Variants in ATP9B observed in about 807,000 individuals in gnomAD.
The protein encoded by ATP9B is probable phospholipid-transporting ATPase IIB.
Under a neutral mutation model 146.1 loss-of-function variants are expected in ATP9B, and 110 were observed. The ratio of observed to expected loss-of-function variants is 0.75; its 90% CI spans 0.65 to 0.88. The LOEUF is 0.88. Ranked by LOEUF, ATP9B falls within the 40% of genes least tolerant of loss-of-function variation. The pLI is 0.00. For missense variants in ATP9B, 1,499 were observed against 1,496.4 expected (o/e 1.00, Z -0.03); for synonymous variants, 604 against 569.7 (o/e 1.06, Z -0.86).
intron 13 of ATP9B, chr18:79,300,101 G>A (rs1319281593): frequency 2.6e-5 from 4 of 152,504 alleles, no homozygotes; most frequent in Non-Finnish European, 5.9e-5. Context: ...GAATGTTGGA[G>A]CTGAGCTCAG....
chr18:79,235,178 T>A (rs1019744293), intron 11 of ATP9B, among the ~76,000 whole-genome samples: 2 of 152,206 alleles, frequency 1.3e-5, no homozygotes, highest in African/African-American at 4.8e-5. Flanking sequence ...TGCCTGGCCT[T>A]ATTGTATATA....
chr18:79,179,827 A>G (rs1320624567), intron 8 of ATP9B, among the ~76,000 whole-genome samples: 2 of 152,216 alleles, frequency 1.3e-5, no homozygotes, highest in Non-Finnish European at 2.9e-5. Flanking sequence ...GTTGTTTAAA[A>G]AAGTTTTATA....
chr18:79,077,352 A>G (rs1384959360), intron 1 of ATP9B, among the ~76,000 whole-genome samples: 1 of 152,100 alleles, frequency 6.6e-6, no homozygotes, highest in Non-Finnish European at 1.5e-5. Flanking sequence ...CTGGGAAGGG[A>G]AGGTACCATG....
chr18:79,365,263 G>T (rs1194332927), intron 26 of ATP9B, among the ~76,000 whole-genome samples: 1 of 152,176 alleles, frequency 6.6e-6, no homozygotes. Flanking sequence ...AAGATGCTCA[G>T]TGCCATTTTC....
At chr18:79,180,369 C>T (rs2095236692) in intron 8 of ATP9B, among the ~76,000 whole-genome samples, 1 of 151,998 alleles carries the variant, frequency 6.6e-6, no homozygotes, top group African/African-American at 2.4e-5. Flanking sequence ...TACGTTAGTT[C>T]TGTTTTGTGT....
intron 12 of ATP9B, among the ~76,000 whole-genome samples, chr18:79,272,391 G>A (rs2096265126): frequency 6.6e-6 from 1 of 152,136 alleles, no homozygotes; most frequent in South Asian, 2.1e-4. Flanking sequence ...GATGTGCCTG[G>A]TGCACATCTG....
Position 79,284,241 on chromosome 18 carries a change from A to C in ATP9B, c.1411+7045A>C, listed in dbSNP as rs546650408. 1.6e-3 allele frequency among the ~76,000 whole-genome samples: 251 copies of C among 152,342 alleles called. 1 individual carries two copies. The highest frequency in any genetic ancestry group is 2.9e-3 in the Non-Finnish European group (200 of 68,028). ...GTTTTTTAAACCAAGTCTCTTATGC[A>C]TGATGCTAATAACCGGGTATTCAGT... is the stretch of plus-strand genomic sequence containing the variant. On this transcript the variant is annotated intron_variant, in intron 13 of 29. Coordinates refer to ENST00000426216, the MANE Select transcript of ATP9B (RefSeq NM_198531.5).
chr18:79,096,604 G>A lies in ATP9B; in HGVS notation c.248G>A (p.Gly83Glu), dbSNP rs761140106. The change falls in exon 2 of 30, where the codon GGA becomes GAA. Residue 83 changes from glycine to glutamate, a missense_variant. Transcript: ENST00000426216. ...GCCAGGATAATGCAAAGGAAAAGAG[G>A]ACTGGAGTGGTTTGTCTGTGATGGC... ...PRARIMQRKRGLEWFVCDGWK... is the reference protein window; with the variant it reads ...PRARIMQRKRELEWFVCDGWK... The A allele has an allele frequency of 1.2e-6, 2 of 1,613,912 alleles. No individual in the cohort carries two copies. Among genetic ancestry groups the A allele is most frequent in the African/African-American group, 1.3e-5 (1 of 74,920 alleles).
intron 1 of ATP9B, among the ~76,000 whole-genome samples, chr18:79,086,729 A>G (rs1432271047): frequency 1.3e-5 from 2 of 152,152 alleles, no homozygotes; most frequent in African/African-American, 4.8e-5. Context: ...TCTTATTTCA[A>G]GAAATTGGTG....
chr18:79,327,520 C>T lies in ATP9B; in HGVS notation c.1774-1621C>T, dbSNP rs868836347. Among the ~76,000 whole-genome samples, 497 of 101,316 alleles carry T rather than the reference C, an allele frequency of 4.9e-3. 5 individuals carry two copies. The highest frequency in any genetic ancestry group is 0.017 in the African/African-American group (407 of 24,152). The allele number at this position is 101,316 out of a possible 152,430, so 66.5% of individuals were successfully genotyped here. On this transcript the variant is annotated intron_variant, in intron 15 of 29. Transcript: ENST00000426216. Reference sequence around the variant, plus strand: ...GTTAGTGTGCTCTCTCCATGGTTAGCGTGCTCTCCGTGGTTAGCGTGCTCT... The same window carrying T: ...GTTAGTGTGCTCTCTCCATGGTTAGTGTGCTCTCCGTGGTTAGCGTGCTCT...
chr18:79,170,888 T>G (rs1390588398), intron 7 of ATP9B, among the ~76,000 whole-genome samples: 1 of 152,234 alleles, frequency 6.6e-6, no homozygotes, highest in Non-Finnish European at 1.5e-5. Context: ...CACATAGTAC[T>G]TATTGCCTGA....
intron 11 of ATP9B, among the ~76,000 whole-genome samples, chr18:79,242,075 T>G (rs1471325573): frequency 6.6e-6 from 1 of 152,260 alleles, no homozygotes; most frequent in East Asian, 1.9e-4. Flanking sequence ...AGCCAGTTTT[T>G]ATTTTAATGC....
chr18:79,295,896 C>T (rs997997929), intron 13 of ATP9B, among the ~76,000 whole-genome samples: 3 of 152,198 alleles, frequency 2.0e-5, no homozygotes, highest in African/African-American at 7.2e-5. Context: ...TCTCCTGGTG[C>T]CTCATCTTGC....
intron 15 of ATP9B, among the ~76,000 whole-genome samples, chr18:79,315,277 A>C (rs935023773): frequency 3.3e-5 from 5 of 152,220 alleles, no homozygotes; most frequent in African/African-American, 1.2e-4. Flanking sequence ...CTATTGAAGC[A>C]AGACTAATTG....
At position 79,348,178 on chromosome 18, in the gene ATP9B, A is replaced by G; in HGVS notation, c.2885A>G (p.Gln962Arg). The G allele has an allele frequency of 6.3e-7, 1 of 1,586,682 alleles. No individual in the cohort carries two copies. Among genetic ancestry groups the G allele is most frequent in the Non-Finnish European group, 8.6e-7 (1 of 1,164,172 alleles). ...TACTTCGCATCCGTCCCTTTGTATCAGGGCTTCCTCATGGTGGGGTAAGTT... is the reference window on the plus strand; with the variant it reads ...TACTTCGCATCCGTCCCTTTGTATCGGGGCTTCCTCATGGTGGGGTAAGTT... ...VFYFASVPLYQGFLMVGYATI... is the reference protein window; with the variant it reads ...VFYFASVPLYRGFLMVGYATI... Residue 962 changes from glutamine (Q) to arginine (R), a missense_variant, in exon 25 of 30, where the codon CAG (glutamine) becomes CGG (arginine). Transcript: ENST00000426216.
intron 9 of ATP9B, 90 bp from the exon 10 acceptor site, chr18:79,206,847 G>C: frequency 8.3e-7 from 1 of 1,204,770 alleles, no homozygotes; most frequent in South Asian, 1.3e-5. Flanking sequence ...GATTGAGCTT[G>C]TGGACCTGTT....
chr18:79,078,318 C>T (rs2072864905), intron 1 of ATP9B, among the ~76,000 whole-genome samples: 2 of 152,154 alleles, frequency 1.3e-5, no homozygotes, highest in Non-Finnish European at 2.9e-5. Flanking sequence ...TTTCTGGTTG[C>T]TAACTCTCTA....
chr18:79,241,984 C>T (rs1386973676), intron 11 of ATP9B, among the ~76,000 whole-genome samples: 3 of 152,298 alleles, frequency 2.0e-5, no homozygotes, highest in East Asian at 1.9e-4. Flanking sequence ...GCCTTTAGAG[C>T]GGGCCCCTCC....
chr18:79,126,551 T>G (rs1186562186), intron 5 of ATP9B, among the ~76,000 whole-genome samples, 176 bp downstream of exon 5: 1 of 152,232 alleles, frequency 6.6e-6, no homozygotes, highest in Non-Finnish European at 1.5e-5. Context: ...AGGGTAGATA[T>G]TTGTTCATTC....
Sources: allele counts gnomAD v4.1 joint callset (sites outside exome capture counted in the v4.1 genomes callset), GRCh38; gene constraint gnomAD v4.1.1; transcripts MANE v1.5; gene names NCBI Gene and HGNC (gene_info 2026-07-23, HGNC 2026-07-21).